The following HMGB1 variants were observed in gnomAD, a reference collection of about 807,000 sequenced individuals.
HMGB1 encodes high mobility group protein B1.
For synonymous variants in HMGB1, 81 were observed against 84.0 expected (o/e 0.96, Z 0.19); for missense variants, 79 against 253.5 (o/e 0.31, Z 4.67).
In HMGB1 at chr13:30,458,731, C is replaced by G. The variant is rs377118072; in HGVS notation, c.*2626G>C. ...ACCTGTTGAATGGCAGTTTGTGTTA[C>G]ATGGGCGCTTTTCTTATCTTTATCA... On this transcript the variant is annotated 3_prime_UTR_variant, in exon 5 of 5. Transcript: ENST00000341423. 6.6e-6 allele frequency: 1 copy of G among 152,232 alleles called. No individual in the cohort carries two copies. The highest frequency in any genetic ancestry group is 1.5e-5 in the Non-Finnish European group (1 of 68,036). The allele number at this position is 152,232 out of a possible 1,614,324, so 9.4% of individuals were successfully genotyped here.
chr13:30,547,039 C>G (rs1395306266), intron 1 of HMGB1, among the ~76,000 whole-genome samples: 1 of 152,224 alleles, frequency 6.6e-6, no homozygotes, highest in Non-Finnish European at 1.5e-5. Flanking sequence ...CAGCAAGGAG[C>G]AGAGATAATG....
At chr13:30,577,649 C>G (rs1381828655) in intron 1 of HMGB1, among the ~76,000 whole-genome samples, 2 of 152,206 alleles carry the variant, frequency 1.3e-5, no homozygotes, top group Non-Finnish European at 2.9e-5. Context: ...CTCATTCTGC[C>G]ACTGCCTGTG....
intron 1 of HMGB1, among the ~76,000 whole-genome samples, chr13:30,482,186 CT>C (rs1259148421): frequency 6.6e-6 from 1 of 152,188 alleles, no homozygotes; most frequent in Admixed American, 6.5e-5. Flanking sequence ...TGAAGGTACT[CT>C]TTCAGGCAAC....
intron 1 of HMGB1, among the ~76,000 whole-genome samples, chr13:30,584,292 C>T (rs932058828): frequency 6.6e-6 from 1 of 152,186 alleles, no homozygotes; most frequent in East Asian, 1.9e-4. Context: ...TACCTCAGAA[C>T]ATGTGCACTT....
rs151320821 is a variant in HMGB1 at position 30,603,841 on chromosome 13, C to T, written c.-15+12830G>A. 7.4e-3 allele frequency among the ~76,000 whole-genome samples: 1,127 copies of T among 152,192 alleles called. 10 individuals carry two copies. The highest frequency in any genetic ancestry group is 0.025 in the African/African-American group (1,037 of 41,518). ...AAATACTACGTAAATAGTTGTTATA[C>T]TGTATTGTTTAGGGAATAATGACAA... On this transcript the variant is annotated intron_variant, in intron 1 of 4. Coordinates refer to the HMGB1 transcript ENST00000405805.
intron 1 of HMGB1, among the ~76,000 whole-genome samples, chr13:30,611,321 C>T (rs149993709): frequency 2.4e-4 from 36 of 152,260 alleles, no homozygotes; most frequent in African/African-American, 5.3e-4. Context: ...CGCCAACGTG[C>T]CCAGCTAATT....
chr13:30,467,828 T>C (rs140201254), upstream of HMGB1, among the ~76,000 whole-genome samples: 90 of 152,364 alleles, frequency 5.9e-4, no homozygotes, highest in East Asian at 0.016. Flanking sequence ...CAGTGTTGGC[T>C]TTGTACTGGC....
intron 1 of HMGB1, among the ~76,000 whole-genome samples, chr13:30,595,639 C>T (rs566905968): frequency 5.3e-5 from 8 of 152,320 alleles, no homozygotes; most frequent in Non-Finnish European, 1.0e-4. Flanking sequence ...TCTGGCTCAG[C>T]TGTAGACAAG....
chr13:30,501,461 A>T (rs1307132326), intron 1 of HMGB1, among the ~76,000 whole-genome samples: 1 of 152,140 alleles, frequency 6.6e-6, no homozygotes, highest in African/African-American at 2.4e-5. Context: ...GCAAGGCCTC[A>T]CTGCTTTTAT....
At chr13:30,573,069 G>A (rs544879947) in intron 1 of HMGB1, among the ~76,000 whole-genome samples, 1 of 152,024 alleles carries the variant, frequency 6.6e-6, no homozygotes, top group Admixed American at 6.6e-5. Flanking sequence ...GTACTTAAAG[G>A]AATCTAGAAG....
chr13:30,614,823 C>T (rs570918611), intron 1 of HMGB1, among the ~76,000 whole-genome samples: 2 of 151,848 alleles, frequency 1.3e-5, no homozygotes, highest in Non-Finnish European at 2.9e-5. Flanking sequence ...CTTAGCCTCC[C>T]GAGTAGCTGG....
At chr13:30,542,988 A>G (rs9508790) in intron 1 of HMGB1, 50,114 of 152,512 alleles carry the variant, frequency 0.33, 9,874 homozygotes, top group Non-Finnish European at 0.44. Flanking sequence ...CAAGGTGCAC[A>G]GGGCACTGCT....
intron 1 of HMGB1, among the ~76,000 whole-genome samples, chr13:30,585,581 G>A (rs1474035225): frequency 2.6e-5 from 4 of 151,992 alleles, no homozygotes; most frequent in African/African-American, 7.2e-5. Context: ...GGGAGGCTGA[G>A]GGGGGAGAAT....
intron 1 of HMGB1, among the ~76,000 whole-genome samples, chr13:30,537,125 G>C (rs1224797945): frequency 2.0e-5 from 3 of 152,182 alleles, no homozygotes; most frequent in Non-Finnish European, 4.4e-5. Flanking sequence ...TTGATTGACA[G>C]TTTGGACATA....
intron 1 of HMGB1, among the ~76,000 whole-genome samples, chr13:30,503,309 A>C (rs1230432187): frequency 6.6e-6 from 1 of 151,954 alleles, no homozygotes; most frequent in Admixed American, 6.6e-5. Context: ...GCGCCACTGC[A>C]CTCCAGCCTG....
chr13:30,568,699 A>T (rs552813793), intron 1 of HMGB1, among the ~76,000 whole-genome samples: 2 of 152,212 alleles, frequency 1.3e-5, no homozygotes, highest in Admixed American at 6.5e-5. Context: ...AAGTCAAGGA[A>T]TGCCAAGGAC....
At chr13:30,461,565 G>A (rs1436608571) in intron 4 of HMGB1, 32 bp from the exon 5 acceptor site, 7 of 1,568,534 alleles carry the variant, frequency 4.5e-6, no homozygotes, top group Non-Finnish European at 6.1e-6. Flanking sequence ...AAAACAGTAG[G>A]GAAGAAAAAA....
At chr13:30,541,466 C>G (rs1015233339) in intron 1 of HMGB1, among the ~76,000 whole-genome samples, 3 of 146,656 alleles carry the variant, frequency 2.0e-5, no homozygotes, top group African/African-American at 8.2e-5. Context: ...CAGCACAAGT[C>G]TAAATCTCAC....
In HMGB1 at chr13:30,601,267, C is replaced by G. The variant is rs557396996; in HGVS notation, c.-15+15404G>C. ...ATGATAATCCACCACCCTTTGCTGACTCTCTTTTCTGACTCAGCCCGCCTG... is the reference window on the plus strand; with the variant it reads ...ATGATAATCCACCACCCTTTGCTGAGTCTCTTTTCTGACTCAGCCCGCCTG... On this transcript the variant is annotated intron_variant, in intron 1 of 4. Coordinates refer to the HMGB1 transcript ENST00000405805. Among the ~76,000 whole-genome samples the G allele has an allele frequency of 7.5e-4, 114 of 152,324 alleles. 7 individuals carry two copies. In the South Asian group the frequency reaches 0.022, roughly 30 times the overall value.
Sources: allele counts gnomAD v4.1 joint callset (sites outside exome capture counted in the v4.1 genomes callset), GRCh38; gene constraint gnomAD v4.1.1; transcripts MANE v1.5; gene names NCBI Gene and HGNC (gene_info 2026-07-23, HGNC 2026-07-21).